Variants in PDE4D observed in about 807,000 individuals in gnomAD.
The protein encoded by PDE4D is 3',5'-cyclic-AMP phosphodiesterase 4D.
Under a neutral mutation model 87.4 loss-of-function variants are expected in PDE4D, and 24 were observed. That is an observed-to-expected ratio of 0.27 (90% CI 0.20 to 0.39). The LOEUF (loss-of-function observed/expected upper bound fraction) is 0.39, where lower values mean the gene tolerates loss of function less well. Ranked by LOEUF, PDE4D falls within the 10% of genes least tolerant of loss-of-function variation. PDE4D has a pLI of 1.00. For missense variants in PDE4D, 714 were observed against 1,041.0 expected, an observed-to-expected ratio of 0.69 and a Z score of 4.32; for synonymous variants, 384 against 383.2, an observed-to-expected ratio of 1.00 and a Z score of -0.02.
At chr5:60,303,470 A>G (rs112342741) in intron 1 of PDE4D, among the ~76,000 whole-genome samples, 9,174 of 151,760 alleles carry the variant, frequency 0.06, 908 homozygotes, top group African/African-American at 0.21. Flanking sequence ...CACCACGCCC[A>G]GATAATTTTT....
intron 6 of PDE4D, among the ~76,000 whole-genome samples, chr5:59,014,301 A>T (rs1386186155): frequency 6.6e-6 from 1 of 152,200 alleles, no homozygotes; most frequent in Admixed American, 6.5e-5. Context: ...GGCCAGGGCA[A>T]TCAGGCAGGA....
At chr5:60,269,906 C>T (rs1178723608) in intron 1 of PDE4D, among the ~76,000 whole-genome samples, 1 of 152,046 alleles carries the variant, frequency 6.6e-6, no homozygotes, top group Non-Finnish European at 1.5e-5. Flanking sequence ...TATGATAGTA[C>T]AGGAGATGAA....
Position 59,198,134 on chromosome 5 carries a change from C to T in PDE4D, c.648-4598G>A, listed in dbSNP as rs147881565. Among the ~76,000 whole-genome samples, 191 of 152,192 alleles carry T rather than the reference C, an allele frequency of 1.3e-3. 1 individual carries two copies. Among genetic ancestry groups the T allele is most frequent in the African/African-American group, 4.2e-3 (175 of 41,506 alleles). The stretch of plus-strand genomic sequence containing the variant: ...GTGAGGATGATGCAATACTGTCTTT[C>T]ATTTAAATAAAAACAATTATAACAA... On this transcript the variant is annotated intron_variant, in intron 2 of 14. Coordinates refer to ENST00000340635, the MANE Select transcript of PDE4D (RefSeq NM_001104631.2).
intron 2 of PDE4D, among the ~76,000 whole-genome samples, chr5:60,061,935 A>C (rs1771458207): frequency 6.6e-6 from 1 of 152,212 alleles, no homozygotes; most frequent in African/African-American, 2.4e-5. Flanking sequence ...TTAAAGACTT[A>C]AATGTAAAAC....
Position 60,311,318 on chromosome 5 carries a change from G to A in PDE4D, c.-89-125631C>T, listed in dbSNP as rs561824668. ...ATTACAGGCGTGAGCCACCGCGCCC[G>A]GCTGGCAAGTCACCTTCAAAGGAAA... On this transcript the variant is annotated intron_variant, in intron 1 of 16. Coordinates refer to the PDE4D transcript ENST00000502484. Among the ~76,000 whole-genome samples the A allele has an allele frequency of 3.3e-5, 5 of 152,298 alleles. No homozygotes were observed. In the South Asian group the frequency reaches 6.2e-4, roughly 19 times the overall value.
intron 1 of PDE4D, chr5:59,703,705 G>T (rs1752952528): frequency 1.9e-5 from 9 of 477,412 alleles, no homozygotes; most frequent in Non-Finnish European, 2.2e-5. Context: ...AGCACAGATT[G>T]ACTTGTTGTG....
intron 1 of PDE4D, among the ~76,000 whole-genome samples, chr5:60,330,062 G>A (rs746637467): frequency 2.6e-5 from 4 of 151,820 alleles, no homozygotes; most frequent in Admixed American, 2.6e-4. Context: ...ACTCTGGGAG[G>A]GTACACAGTG....
intron 2 of PDE4D, among the ~76,000 whole-genome samples, chr5:60,116,289 C>T (rs1265071133): frequency 1.3e-5 from 2 of 152,062 alleles, no homozygotes; most frequent in African/African-American, 4.8e-5. Flanking sequence ...CTTTTGCCCA[C>T]AGACAAAAGG....
chr5:59,120,299 C>T (rs1774268911), intron 5 of PDE4D, among the ~76,000 whole-genome samples: 1 of 152,132 alleles, frequency 6.6e-6, no homozygotes, highest in African/African-American at 2.4e-5. Context: ...AGGTTGTGTC[C>T]TACCTTTCTT....
intron 2 of PDE4D, among the ~76,000 whole-genome samples, chr5:60,062,607 C>T (rs773519165): frequency 8.5e-5 from 13 of 152,210 alleles, no homozygotes; most frequent in African/African-American, 1.7e-4. Context: ...TATAAAGACA[C>T]GTGCATATGT....
At chr5:60,014,078 C>G (rs1360738574) in intron 2 of PDE4D, among the ~76,000 whole-genome samples, 1 of 132,724 alleles carries the variant, frequency 7.5e-6, no homozygotes, top group Non-Finnish European at 1.5e-5. Flanking sequence ...GGCAACAGAG[C>G]AAGACTCCAC....
In PDE4D at chr5:58,971,756, T is replaced by C. The variant is rs1423482925; in HGVS notation, c.*2908A>G. On this transcript the variant is annotated 3_prime_UTR_variant, in exon 15 of 15. Transcript: ENST00000340635. ...ACAAACTTGGACATTTTTTTCCCCA[T>C]ACAGTACCCAGATATTGCATTTTCT... is the stretch of plus-strand genomic sequence containing the variant. 1.3e-5 allele frequency: 2 copies of C among 152,610 alleles called. No individual in the cohort carries two copies. The highest frequency in any genetic ancestry group is 2.9e-5 in the Non-Finnish European group (2 of 68,004). 9.5% of individuals were successfully genotyped at this position (152,610 alleles called of 1,614,324 possible).
rs1561239022 is a variant in PDE4D, at chr5:59,574,006, ATATATATATATATATATAT to A, written c.455+319143_455+319161del. On this transcript the variant is annotated intron_variant, in intron 1 of 14. Coordinates refer to ENST00000340635, the MANE Select transcript of PDE4D (RefSeq NM_001104631.2). ...AAGGGAGACTCTGTCTCAAAAAAAA[ATATATATATATATATATAT>A]ATAAAAATATATATTTATATATATT... Among the ~76,000 whole-genome samples the A allele has an allele frequency of 2.5e-3, 237 of 95,886 alleles. 2 individuals carry two copies. The highest frequency in any genetic ancestry group is 9.2e-3 in the Middle Eastern group (2 of 218). 62.9% of individuals were successfully genotyped at this position (95,886 alleles called of 152,430 possible). A position where few individuals can be genotyped will look rare whatever the true frequency, so the allele number is the denominator to read the frequency against.
chr5:59,800,193 T>C (rs1245729953), intron 1 of PDE4D, among the ~76,000 whole-genome samples: 1 of 152,056 alleles, frequency 6.6e-6, no homozygotes, highest in Non-Finnish European at 1.5e-5. Flanking sequence ...TGCAGTATTA[T>C]ATATGAAATG....
At chr5:59,367,820 A>C (rs1783320897) in intron 1 of PDE4D, among the ~76,000 whole-genome samples, 1 of 152,242 alleles carries the variant, frequency 6.6e-6, no homozygotes, top group Non-Finnish European at 1.5e-5. Context: ...AGAAAGAAGC[A>C]GAGCTCTTAG....
chr5:59,657,469 C>T (rs1056776321), intron 1 of PDE4D, among the ~76,000 whole-genome samples: 20 of 152,196 alleles, frequency 1.3e-4, no homozygotes, highest in African/African-American at 4.8e-4. Context: ...ATCTAAATCA[C>T]TGAACAGATT....
intron 3 of PDE4D, among the ~76,000 whole-genome samples, chr5:59,961,573 G>A (rs1405186584): frequency 6.6e-6 from 1 of 152,100 alleles, no homozygotes; most frequent in Non-Finnish European, 1.5e-5. Context: ...GCAGCCTCAG[G>A]AAAGGAACAC....
chr5:60,337,351 CTATATATATATATATATATATATA>C (rs748923956), intron 1 of PDE4D, among the ~76,000 whole-genome samples: 6 of 62,260 alleles, frequency 9.6e-5, no homozygotes, highest in South Asian at 2.2e-3. Flanking sequence ...AACAAACAAA[CTATATATATATATATATATATATA>C]TATATATATA....
chr5:59,819,353 T>A (rs556541215), intron 1 of PDE4D, among the ~76,000 whole-genome samples: 8 of 152,326 alleles, frequency 5.3e-5, no homozygotes, highest in South Asian at 2.1e-4. Context: ...GGCAGCTTCT[T>A]GCATGTTTTC....
Sources: allele counts gnomAD v4.1 joint callset (sites outside exome capture counted in the v4.1 genomes callset), GRCh38; gene constraint gnomAD v4.1.1; transcripts MANE v1.5; gene names NCBI Gene and HGNC (gene_info 2026-07-23, HGNC 2026-07-21).